The following NRG4 variants were observed in gnomAD, a reference collection of about 807,000 sequenced individuals.
The protein encoded by NRG4 is neuregulin 4.
Under a neutral mutation model 15.0 loss-of-function variants are expected in NRG4, and 10 were observed. The observed-to-expected ratio is 0.67, with a 90% CI of 0.41 to 1.13. The LOEUF (loss-of-function observed/expected upper bound fraction) is 1.13, where lower values mean the gene tolerates loss of function less well. Among genes scored for constraint, NRG4 ranks in the 50% most tolerant of loss-of-function variants. NRG4 has a pLI of 0.00. For missense variants in NRG4, 139 were observed against 140.2 expected (o/e 0.99, Z 0.04); for synonymous variants, 41 against 50.1 (o/e 0.82, Z 0.77).
At chr15:75,974,151 G>A (rs886722419) in intron 3 of NRG4, among the ~76,000 whole-genome samples, 1 of 152,204 alleles carries the variant, frequency 6.6e-6, no homozygotes, top group Non-Finnish European at 1.5e-5. Context: ...TAGTTCATTT[G>A]TGTAGAGGTG....
chr15:75,954,110 T>C (rs928092235), intron 5 of NRG4, among the ~76,000 whole-genome samples: 6 of 152,192 alleles, frequency 3.9e-5, no homozygotes, highest in African/African-American at 1.4e-4. Context: ...TTATGCCACC[T>C]GCAGTTGTCG....
chr15:75,998,865 A>G (rs1261938031), intron 3 of NRG4, among the ~76,000 whole-genome samples: 2 of 152,122 alleles, frequency 1.3e-5, no homozygotes, highest in Non-Finnish European at 2.9e-5. Context: ...ACTTTCCTAA[A>G]GGGAATTTAT....
At chr15:75,969,223 T>G (rs1485569506) in intron 3 of NRG4, 7 of 456,126 alleles carry the variant, frequency 1.5e-5, no homozygotes, top group Non-Finnish European at 2.6e-5. Flanking sequence ...TCAGTTCACT[T>G]CCTGACAAAA....
At chr15:76,033,364 T>C (rs2035522861) in intron 5 of NRG4, among the ~76,000 whole-genome samples, 1 of 152,174 alleles carries the variant, frequency 6.6e-6, no homozygotes, top group African/African-American at 2.4e-5. Context: ...AAGATCAGCC[T>C]GGGAAACATA....
intron 3 of NRG4, among the ~76,000 whole-genome samples, chr15:75,984,073 G>C (rs1280814769): frequency 6.6e-6 from 1 of 152,178 alleles, no homozygotes; most frequent in Non-Finnish European, 1.5e-5. Flanking sequence ...GAGCACAGAG[G>C]ATTTTTAGGA....
At chr15:76,058,742 T>C (rs1248508892) in intron 1 of NRG4, among the ~76,000 whole-genome samples, 4 of 152,196 alleles carry the variant, frequency 2.6e-5, no homozygotes, top group African/African-American at 9.7e-5. Context: ...TCAAATATTT[T>C]AAGATAAAAA....
chr15:75,963,207 T>G lies in NRG4; in HGVS notation c.105-1233A>C, dbSNP rs150422012. Among the ~76,000 whole-genome samples, 311 of 152,256 alleles carry G rather than the reference T, an allele frequency of 2.0e-3. 1 individual carries two copies. The highest frequency in any genetic ancestry group is 3.4e-3 in the Middle Eastern group (1 of 294). On this transcript the variant is annotated intron_variant, in intron 3 of 5. Coordinates refer to ENST00000394907, the MANE Select transcript of NRG4 (RefSeq NM_138573.4). ...AGTCCTACTCAATGTGAGGCAGTGA[T>G]GTGATTGGTGATAGCTTCCCGGGGC... is the stretch of plus-strand genomic sequence containing the variant.
intron 3 of NRG4, among the ~76,000 whole-genome samples, chr15:75,990,379 C>T (rs1028996685): frequency 6.6e-6 from 1 of 152,122 alleles, no homozygotes; most frequent in Non-Finnish European, 1.5e-5. Context: ...GCACCACGGT[C>T]CAGAGCGTAC....
At chr15:76,013,815 G>C (rs747523808), upstream of NRG4, among the ~76,000 whole-genome samples, 15 of 152,130 alleles carry the variant, frequency 9.9e-5, no homozygotes, top group Non-Finnish European at 2.2e-4. Context: ...GTGTGCATGT[G>C]TCTTTATAGT....
In NRG4 at chr15:75,969,611, G is replaced by A. The variant is rs763819294; in HGVS notation, c.105-7637C>T. 5.6e-4 allele frequency among the ~76,000 whole-genome samples: 85 copies of A among 152,168 alleles called. 2 individuals carry two copies. The highest frequency in any genetic ancestry group is 3.7e-3 in the Admixed American group (57 of 15,274). ...GAAGTAGACCTAAGAGAGCAGGTAC[G>A]TTCCCATAGTTTCATCACCATATCC... On this transcript the variant is annotated intron_variant, in intron 3 of 5. Coordinates refer to ENST00000394907, the MANE Select transcript of NRG4 (RefSeq NM_138573.4).
chr15:76,009,041 T>C (rs2034711362), intron 3 of NRG4, among the ~76,000 whole-genome samples, 159 bp downstream of exon 3: 2 of 152,218 alleles, frequency 1.3e-5, no homozygotes, highest in South Asian at 4.1e-4. Flanking sequence ...TTTATTTTGT[T>C]TTTGTTTTGT....
chr15:75,988,087 T>A (rs920652972), intron 3 of NRG4, among the ~76,000 whole-genome samples: 1 of 152,180 alleles, frequency 6.6e-6, no homozygotes, highest in South Asian at 2.1e-4. Flanking sequence ...GAACCAAGCT[T>A]TGTAACAGTT....
chr15:75,940,345 T>C (rs2030817534), downstream of NRG4: 1 of 150,686 alleles, frequency 6.6e-6, no homozygotes, highest in Admixed American at 6.6e-5. Context: ...AAGATAAAAA[T>C]AAACGGAAAT....
intron 5 of NRG4, among the ~76,000 whole-genome samples, chr15:76,026,991 G>A (rs917243508): frequency 5.9e-5 from 9 of 152,022 alleles, no homozygotes; most frequent in African/African-American, 9.7e-5. Flanking sequence ...GCATGGTGGC[G>A]GGTGCCTGTA....
intron 5 of NRG4, among the ~76,000 whole-genome samples, chr15:76,023,353 C>T (rs2035218736): frequency 6.6e-6 from 1 of 152,168 alleles, no homozygotes; most frequent in Non-Finnish European, 1.5e-5. Context: ...GTGGCACTGT[C>T]TGCCATGCCT....
intron 5 of NRG4, among the ~76,000 whole-genome samples, chr15:75,949,557 T>C (rs2031756133): frequency 6.6e-6 from 1 of 152,234 alleles, no homozygotes; most frequent in African/African-American, 2.4e-5. Context: ...ATTTTTAGAA[T>C]GGTGTCCTTT....
intron 5 of NRG4, among the ~76,000 whole-genome samples, chr15:75,947,651 A>G (rs2031615326): frequency 6.6e-6 from 1 of 152,214 alleles, no homozygotes; most frequent in South Asian, 2.1e-4. Context: ...TTTTAGATGT[A>G]TACCCAGGAG....
chr15:75,962,353 G>C (rs932077631), intron 3 of NRG4, among the ~76,000 whole-genome samples: 1 of 152,090 alleles, frequency 6.6e-6, no homozygotes, highest in Non-Finnish European at 1.5e-5. Context: ...CCTTAAAACT[G>C]CTAACTGGTT....
At chr15:75,986,645 C>G (rs1473523452) in intron 3 of NRG4, among the ~76,000 whole-genome samples, 4 of 152,130 alleles carry the variant, frequency 2.6e-5, no homozygotes, top group Admixed American at 1.3e-4. Context: ...ACAATTTTTA[C>G]TATAAACCTT....
Sources: allele counts gnomAD v4.1 joint callset (sites outside exome capture counted in the v4.1 genomes callset), GRCh38; gene constraint gnomAD v4.1.1; transcripts MANE v1.5; gene names NCBI Gene and HGNC (gene_info 2026-07-23, HGNC 2026-07-21).